Variants in SLC8A1 observed in about 807,000 individuals in gnomAD.
The protein encoded by SLC8A1 is sodium/calcium exchanger 1.
In SLC8A1, 18 loss-of-function variants were observed where a neutral mutation model predicts 68.3. The ratio of observed to expected loss-of-function variants is 0.26; its 90% CI spans 0.18 to 0.39. SLC8A1 has a LOEUF of 0.39. Ranked by LOEUF, SLC8A1 falls within the 10% of genes least tolerant of loss-of-function variation. The pLI, the probability that SLC8A1 is intolerant of heterozygous loss-of-function variation, is 1.00. For missense variants in SLC8A1, 985 were observed against 1,156.7 expected, an observed-to-expected ratio of 0.85 and a Z score of 2.15; for synonymous variants, 475 against 415.5, an observed-to-expected ratio of 1.14 and a Z score of -1.74.
chr2:40,271,892 G>A (rs1184418304), intron 2 of SLC8A1, among the ~76,000 whole-genome samples: 1 of 151,754 alleles, frequency 6.6e-6, no homozygotes. Flanking sequence ...TTAGAGTCAG[G>A]GTCTCACTCT....
At chr2:40,225,830 C>A (rs1028630684) in intron 2 of SLC8A1, among the ~76,000 whole-genome samples, 2 of 152,078 alleles carry the variant, frequency 1.3e-5, no homozygotes, top group Non-Finnish European at 2.9e-5. Context: ...TAAACAGATT[C>A]CTCTGGTGTA....
intron 2 of SLC8A1, among the ~76,000 whole-genome samples, chr2:40,347,031 T>G (rs1461229648): frequency 6.6e-6 from 1 of 152,220 alleles, no homozygotes; most frequent in African/African-American, 2.4e-5. Flanking sequence ...GCACAGCATG[T>G]GACAGAAATG....
chr2:40,180,053 C>T (rs566969306), intron 2 of SLC8A1, among the ~76,000 whole-genome samples: 4 of 152,122 alleles, frequency 2.6e-5, no homozygotes, highest in East Asian at 1.9e-4. Flanking sequence ...TCATTTCTGT[C>T]CTCAAATACT....
intron 2 of SLC8A1, among the ~76,000 whole-genome samples, chr2:40,323,554 C>T (rs565616638): frequency 6.6e-6 from 1 of 152,088 alleles, no homozygotes; most frequent in South Asian, 2.1e-4. Context: ...ACACTCATTC[C>T]GTAAATATTT....
chr2:40,329,357 A>G (rs1253188551), intron 2 of SLC8A1, among the ~76,000 whole-genome samples: 3 of 152,150 alleles, frequency 2.0e-5, no homozygotes, highest in Non-Finnish European at 4.4e-5. Flanking sequence ...TGCAACTACA[A>G]TGTTCCCTTT....
At chr2:40,374,891 A>C (rs1340593634) in intron 2 of SLC8A1, among the ~76,000 whole-genome samples, 2 of 152,094 alleles carry the variant, frequency 1.3e-5, no homozygotes, top group Non-Finnish European at 2.9e-5. Flanking sequence ...GCCATTTTTA[A>C]AAGTACTCGT....
intron 2 of SLC8A1, among the ~76,000 whole-genome samples, chr2:40,320,755 C>G (rs2075085977): frequency 1.3e-5 from 2 of 152,140 alleles, no homozygotes; most frequent in Non-Finnish European, 2.9e-5. Flanking sequence ...ATTTCCTAAA[C>G]TTAATCTCTT....
intron 7 of SLC8A1, among the ~76,000 whole-genome samples, chr2:40,137,221 G>C (rs1472718452): frequency 6.6e-6 from 1 of 152,190 alleles, no homozygotes; most frequent in Non-Finnish European, 1.5e-5. Flanking sequence ...AGGCCTTTTG[G>C]AAGACTGACA....
At chr2:40,327,582 T>TA (rs71406057) in intron 2 of SLC8A1, among the ~76,000 whole-genome samples, 35,213 of 151,104 alleles carry the variant, frequency 0.23, 4,588 homozygotes, top group East Asian at 0.37. Flanking sequence ...TATGCAACCA[T>TA]AAAAAAAAAC....
At chr2:40,264,528 T>G (rs866894941) in intron 2 of SLC8A1, among the ~76,000 whole-genome samples, 6 of 152,204 alleles carry the variant, frequency 3.9e-5, no homozygotes, top group African/African-American at 7.2e-5. Flanking sequence ...CCATAAAAAA[T>G]GATGAGTTCA....
intron 4 of SLC8A1, among the ~76,000 whole-genome samples, chr2:40,169,020 T>A (rs1362128013): frequency 6.6e-6 from 1 of 152,212 alleles, no homozygotes; most frequent in Non-Finnish European, 1.5e-5. Flanking sequence ...AGTAATTGAT[T>A]TTGCAAGCAA....
At chr2:40,337,018 A>G (rs888437639) in intron 2 of SLC8A1, among the ~76,000 whole-genome samples, 4 of 152,166 alleles carry the variant, frequency 2.6e-5, no homozygotes, top group African/African-American at 7.2e-5. Context: ...GCCTAAGAAG[A>G]TATGAACCTC....
Position 40,231,275 on chromosome 2 carries a change from A to C in SLC8A1, c.1809-53420T>G, listed in dbSNP as rs548279494. 6.6e-4 allele frequency among the ~76,000 whole-genome samples: 100 copies of C among 152,332 alleles called. 1 individual carries two copies. The highest frequency in any genetic ancestry group is 1.2e-3 in the Non-Finnish European group (85 of 68,020). ...TGAAGAGTGTAATATATGTATGCAC[A>C]TATATTAGACACGGGAAATGTGCAT... On this transcript the variant is annotated intron_variant, in intron 2 of 7. Transcript: ENST00000406785.
At chr2:40,241,955 A>T in intron 2 of SLC8A1, among the ~76,000 whole-genome samples, 1 of 152,038 alleles carries the variant, frequency 6.6e-6, no homozygotes, top group South Asian at 2.1e-4. Flanking sequence ...TTAATTATTC[A>T]TAATTCCTAA....
intron 2 of SLC8A1, among the ~76,000 whole-genome samples, chr2:40,255,881 A>T (rs1186858348): frequency 6.6e-6 from 1 of 152,200 alleles, no homozygotes; most frequent in East Asian, 1.9e-4. Flanking sequence ...CACTAAAAAG[A>T]TGGAAGGAAA....
At chr2:40,217,003 T>C (rs1265531379) in intron 2 of SLC8A1, among the ~76,000 whole-genome samples, 4 of 152,246 alleles carry the variant, frequency 2.6e-5, no homozygotes, top group Admixed American at 1.3e-4. Context: ...TTTAGTTTAA[T>C]TGGATCCCAT....
intron 2 of SLC8A1, among the ~76,000 whole-genome samples, chr2:40,419,636 A>G (rs1694917358): frequency 6.6e-6 from 1 of 152,108 alleles, no homozygotes; most frequent in Non-Finnish European, 1.5e-5. Flanking sequence ...TGAATAGCTC[A>G]TTTTTCAAAA....
intron 2 of SLC8A1, among the ~76,000 whole-genome samples, chr2:40,404,468 T>C (rs1439803375): frequency 1.3e-5 from 2 of 152,192 alleles, no homozygotes; most frequent in Non-Finnish European, 2.9e-5. Flanking sequence ...CATTTAAATA[T>C]ATGGTTTTAT....
At chr2:40,353,366 C>A (rs185845358) in intron 2 of SLC8A1, among the ~76,000 whole-genome samples, 1 of 152,224 alleles carries the variant, frequency 6.6e-6, no homozygotes, top group African/African-American at 2.4e-5. Context: ...CTCCATCGTT[C>A]AACCTCAAAA....
Sources: gnomAD v4.1 joint callset for allele counts (sites outside exome capture counted in the v4.1 genomes callset) on GRCh38, gnomAD v4.1.1 for gene constraint, MANE v1.5 for transcripts, NCBI Gene and HGNC (gene_info 2026-07-23, HGNC 2026-07-21) for gene names.